JAZF1: variants seen among roughly 807,000 people sequenced by gnomAD.
JAZF1 encodes the protein juxtaposed with another zinc finger protein 1.
JAZF1 carries 8 observed loss-of-function variants against 26.4 expected under a neutral mutation model. The ratio of observed to expected loss-of-function variants is 0.30; its 90% CI spans 0.18 to 0.55. The LOEUF (loss-of-function observed/expected upper bound fraction) is 0.55. JAZF1 is among the 20% of genes least tolerant of loss of function. JAZF1 has a pLI of 0.94. For synonymous variants in JAZF1, 126 were observed against 122.3 expected (o/e 1.03, Z -0.20); for missense variants, 199 against 322.0 (o/e 0.62, Z 2.92).
chr7:27,844,238 G>A (rs1378026974), intron 3 of JAZF1: 1 of 152,222 alleles, frequency 6.6e-6, no homozygotes, highest in Non-Finnish European at 1.5e-5. Flanking sequence ...AAACATTTTG[G>A]AACTCTAGAA....
intron 2 of JAZF1, among the ~76,000 whole-genome samples, chr7:27,955,127 G>A (rs759541220): frequency 6.6e-6 from 1 of 152,124 alleles, no homozygotes; most frequent in Non-Finnish European, 1.5e-5. Context: ...AATTCTTGTG[G>A]TTTGGTCTAC....
In JAZF1 at chr7:28,023,278, G is replaced by A. The variant is rs542845635; in HGVS notation, c.116-31297C>T. Among the ~76,000 whole-genome samples the A allele has an allele frequency of 5.3e-5, 8 of 152,276 alleles. No homozygotes were observed. The East Asian group carries it at 5.8e-4, about 11-fold the overall frequency. ...TTTACCTCCCTTTCTCCAATATACC[G>A]AAGGACAGATTCACTGAAGTAATTT... On this transcript the variant is annotated intron_variant, in intron 1 of 4. Transcript: ENST00000283928.
chr7:28,112,177 G>T (rs914046001), intron 1 of JAZF1, among the ~76,000 whole-genome samples: 3 of 152,158 alleles, frequency 2.0e-5, no homozygotes. Flanking sequence ...CACTAGGAAA[G>T]AACTTTCTGA....
At chr7:27,913,897 G>A (rs1784402768) in intron 2 of JAZF1, among the ~76,000 whole-genome samples, 2 of 152,170 alleles carry the variant, frequency 1.3e-5, no homozygotes, top group Non-Finnish European at 2.9e-5. Context: ...CCTGTGATAA[G>A]CTTTTAACCT....
At chr7:27,963,569 C>CTT (rs36024077) in intron 2 of JAZF1, among the ~76,000 whole-genome samples, 25 of 132,520 alleles carry the variant, frequency 1.9e-4, no homozygotes, top group South Asian at 1.0e-3. Flanking sequence ...CCCCCCCCCC[C>CTT]TTTTTTTTTG....
At chr7:27,900,380 A>C (rs780847364) in intron 2 of JAZF1, among the ~76,000 whole-genome samples, 2 of 152,258 alleles carry the variant, frequency 1.3e-5, no homozygotes, top group Non-Finnish European at 2.9e-5. Flanking sequence ...TATTATCTAT[A>C]TTCTTGTTAT....
intron 1 of JAZF1, among the ~76,000 whole-genome samples, chr7:28,120,501 C>CTGTTTTTTTT (rs1782582268): frequency 1.7e-5 from 1 of 58,998 alleles, no homozygotes; most frequent in Non-Finnish European, 2.8e-5. Flanking sequence ...ACACACAGTT[C>CTGTTTTTTTT]TTTTTTTTTT....
intron 3 of JAZF1, among the ~76,000 whole-genome samples, chr7:27,894,560 A>G (rs1420281534): frequency 6.6e-6 from 1 of 152,232 alleles, no homozygotes; most frequent in Non-Finnish European, 1.5e-5. Flanking sequence ...GTGCTGGAGT[A>G]GTGCACATCC....
At chr7:28,136,326 A>C (rs1382325456) in intron 1 of JAZF1, among the ~76,000 whole-genome samples, 2 of 152,092 alleles carry the variant, frequency 1.3e-5, no homozygotes, top group African/African-American at 4.8e-5. Context: ...AGTTTTTCTA[A>C]CTCTAACCCA....
At chr7:28,121,155 G>A (rs1424220184) in intron 1 of JAZF1, among the ~76,000 whole-genome samples, 4 of 141,140 alleles carry the variant, frequency 2.8e-5, no homozygotes, top group Non-Finnish European at 6.0e-5. Context: ...AGCCGAGATC[G>A]CACTACCGCA....
intron 1 of JAZF1, among the ~76,000 whole-genome samples, chr7:28,126,906 C>T (rs1782705133): frequency 6.6e-6 from 1 of 152,140 alleles, no homozygotes; most frequent in Non-Finnish European, 1.5e-5. Flanking sequence ...CAACCCTACC[C>T]CACCCCCAGA....
At chr7:28,085,108 T>G (rs761059061) in intron 1 of JAZF1, among the ~76,000 whole-genome samples, 1 of 152,250 alleles carries the variant, frequency 6.6e-6, no homozygotes, top group African/African-American at 2.4e-5. Context: ...CCCAGTATCA[T>G]GTATTCTGTT....
Position 28,120,845 on chromosome 7 carries a change from C to T in JAZF1, c.115+59618G>A, listed in dbSNP as rs915769591. Among the ~76,000 whole-genome samples the T allele has an allele frequency of 1.1e-4, 17 of 152,186 alleles. 1 individual carries two copies. In the South Asian group the frequency reaches 3.3e-3, roughly 30 times the overall value. ...CTAGACAATGCTAATAAACTAAACC[C>T]TAAGCCCAGATACTTACCAGAACTA... On this transcript the variant is annotated intron_variant, in intron 1 of 4. Transcript: ENST00000283928.
rs546118150 is a variant in JAZF1, at chr7:27,899,672, C to T, written c.189-4256G>A. On this transcript the variant is annotated intron_variant, in intron 2 of 4. Coordinates refer to ENST00000283928, the MANE Select transcript of JAZF1 (RefSeq NM_175061.4). ...CTGGTTTCAAACTCCTGGGCTCAAGCAATCCTCCCACCCAAAGTGTTAGGA... is the reference window on the plus strand; with the variant it reads ...CTGGTTTCAAACTCCTGGGCTCAAGTAATCCTCCCACCCAAAGTGTTAGGA... Among the ~76,000 whole-genome samples, 4 of 152,228 alleles carry T rather than the reference C, an allele frequency of 2.6e-5. No homozygotes were observed. In the South Asian group the frequency reaches 6.2e-4, roughly 24 times the overall value.
intron 2 of JAZF1, among the ~76,000 whole-genome samples, chr7:27,899,291 T>G (rs919492915): frequency 1.3e-5 from 2 of 152,188 alleles, no homozygotes; most frequent in Admixed American, 1.3e-4. Context: ...GTTCCCTGTT[T>G]CACCAAATAT....
intron 1 of JAZF1, among the ~76,000 whole-genome samples, chr7:28,171,398 A>C (rs1377751841): frequency 1.3e-5 from 2 of 152,212 alleles, no homozygotes; most frequent in Non-Finnish European, 2.9e-5. Flanking sequence ...TTACCTTTGT[A>C]ATTTATTTTT....
chr7:27,974,369 G>C (rs1253833780), intron 2 of JAZF1, among the ~76,000 whole-genome samples: 2 of 152,170 alleles, frequency 1.3e-5, no homozygotes, highest in Non-Finnish European at 2.9e-5. Flanking sequence ...AACCAGGACA[G>C]AACAAACTAA....
chr7:27,894,541 C>T (rs1317550562), intron 3 of JAZF1, among the ~76,000 whole-genome samples: 2 of 152,100 alleles, frequency 1.3e-5, no homozygotes, highest in African/African-American at 4.8e-5. Context: ...TGGAGGAGAG[C>T]AGATGAGAGT....
chr7:28,158,186 C>CACACAGAGAGAGAG (rs149643430), intron 1 of JAZF1, among the ~76,000 whole-genome samples: 1 of 143,346 alleles, frequency 7.0e-6, no homozygotes, highest in Non-Finnish European at 1.5e-5. Flanking sequence ...CACACACACA[C>CACACAGAGAGAGAG]AGAGAGAGAG....
Sources: allele counts gnomAD v4.1 joint callset (sites outside exome capture counted in the v4.1 genomes callset), GRCh38; gene constraint gnomAD v4.1.1; transcripts MANE v1.5; gene names NCBI Gene and HGNC (gene_info 2026-07-23, HGNC 2026-07-21).